The following MACROD2 variants were observed in gnomAD, a reference collection of about 807,000 sequenced individuals.
MACROD2 encodes the protein mono-ADP ribosylhydrolase 2.
Under a neutral mutation model 70.4 loss-of-function variants are expected in MACROD2, and 36 were observed. The ratio of observed to expected loss-of-function variants is 0.51; its 90% CI spans 0.39 to 0.68. The LOEUF is 0.68. MACROD2 is among the 30% of genes least tolerant of loss of function. The pLI is 0.00. For missense variants in MACROD2, 496 were observed against 538.4 expected (o/e 0.92, Z 0.78); for synonymous variants, 172 against 178.8 (o/e 0.96, Z 0.30).
At chr20:14,624,210 G>A (rs909144337) in intron 4 of MACROD2, among the ~76,000 whole-genome samples, 5 of 152,184 alleles carry the variant, frequency 3.3e-5, no homozygotes, top group Non-Finnish European at 7.3e-5. Context: ...GAGGCATGCC[G>A]GGACAGCCTC....
At chr20:14,616,235 C>T (rs538171175) in intron 4 of MACROD2, among the ~76,000 whole-genome samples, 4 of 152,226 alleles carry the variant, frequency 2.6e-5, no homozygotes, top group Non-Finnish European at 5.9e-5. Flanking sequence ...CTAGATGGTA[C>T]TAGGCAAAGC....
intron 6 of MACROD2, among the ~76,000 whole-genome samples, chr20:15,321,862 G>A (rs1332533904): frequency 7.0e-6 from 1 of 143,776 alleles, no homozygotes; most frequent in Non-Finnish European, 1.6e-5. Flanking sequence ...GCATGATCTC[G>A]ACTCACTGCA....
intron 3 of MACROD2, among the ~76,000 whole-genome samples, chr20:14,152,728 C>A (rs1219204166): frequency 7.2e-5 from 11 of 152,034 alleles, no homozygotes; most frequent in African/African-American, 2.7e-4. Flanking sequence ...TGCCCGGCCT[C>A]CTCTACAATT....
At chr20:15,909,650 A>G (rs887370252) in intron 10 of MACROD2, among the ~76,000 whole-genome samples, 1 of 149,886 alleles carries the variant, frequency 6.7e-6, no homozygotes, top group South Asian at 2.1e-4. Context: ...CAGCCTCCCA[A>G]GTAGCTGGGA....
rs527872721 is a variant in MACROD2, at chr20:14,798,469, T to C, written c.418+113510T>C. On this transcript the variant is annotated intron_variant, in intron 5 of 17. Coordinates refer to ENST00000684519, the MANE Select transcript of MACROD2 (RefSeq NM_001351661.2). ...GCCAGAAAAAAGTATTCATCATGTG[T>C]GTAACATGGTATGATTGGCAGTTAT... Among the ~76,000 whole-genome samples, 202 of 152,210 alleles carry C rather than the reference T, an allele frequency of 1.3e-3. 1 individual carries two copies. Among genetic ancestry groups the C allele is most frequent in the African/African-American group, 4.6e-3 (189 of 41,526 alleles).
At chr20:14,859,521 A>G (rs946597509) in intron 5 of MACROD2, among the ~76,000 whole-genome samples, 6 of 152,148 alleles carry the variant, frequency 3.9e-5, no homozygotes, top group Non-Finnish European at 7.3e-5. Flanking sequence ...AGTACCCATC[A>G]TATTCAATAT....
chr20:14,216,521 G>A (rs999265351), intron 3 of MACROD2, among the ~76,000 whole-genome samples: 1 of 151,670 alleles, frequency 6.6e-6, no homozygotes, highest in African/African-American at 2.4e-5. Context: ...TTTTAGAATT[G>A]TTTTTTTTAA....
chr20:14,713,394 G>A (rs569999862), intron 5 of MACROD2, among the ~76,000 whole-genome samples: 1 of 152,230 alleles, frequency 6.6e-6, no homozygotes, highest in South Asian at 2.1e-4. Context: ...TTTGAATACA[G>A]GCTTTTTGTT....
chr20:14,697,138 A>G (rs961579216), intron 5 of MACROD2, among the ~76,000 whole-genome samples: 7 of 152,184 alleles, frequency 4.6e-5, no homozygotes, highest in African/African-American at 1.7e-4. Flanking sequence ...TTCCCCAGGA[A>G]ATCCGTTGGC....
At position 14,810,494 on chromosome 20, in the gene MACROD2, ACAAAAGCTGGAAG is replaced by A. The variant is rs2072695973; in HGVS notation, c.418+125538_418+125550del. On this transcript the variant is annotated intron_variant, in intron 5 of 17. Coordinates refer to ENST00000684519, the MANE Select transcript of MACROD2 (RefSeq NM_001351661.2). ...CCACAGCCAATATCATACTGAATGA[ACAAAAGCTGGAAG>A]CATTCCCTTCGAAAACTGGCACAAG... Among the ~76,000 whole-genome samples the A allele has an allele frequency of 2.0e-5, 3 of 151,994 alleles. No homozygotes were observed. The South Asian group carries it at 6.2e-4, about 32-fold the overall frequency.
intron 3 of MACROD2, among the ~76,000 whole-genome samples, chr20:14,145,782 G>C (rs1285417413): frequency 6.6e-6 from 1 of 152,112 alleles, no homozygotes; most frequent in African/African-American, 2.4e-5. Context: ...TGGAGAGTTT[G>C]AGCTTCCTAA....
chr20:14,082,527 GAGAA>G (rs1020766088), intron 2 of MACROD2, among the ~76,000 whole-genome samples: 3 of 151,904 alleles, frequency 2.0e-5, no homozygotes, highest in African/African-American at 7.3e-5. Flanking sequence ...CTTTGCTTTT[GAGAA>G]AGAAACACAT....
At chr20:15,120,949 T>C (rs2076025711) in intron 5 of MACROD2, among the ~76,000 whole-genome samples, 1 of 152,212 alleles carries the variant, frequency 6.6e-6, no homozygotes, top group Non-Finnish European at 1.5e-5. Flanking sequence ...CATACCTGTA[T>C]CCAGAAGCGC....
chr20:14,827,450 T>C lies in MACROD2; in HGVS notation c.418+142491T>C, dbSNP rs1344041622. 2.0e-5 allele frequency among the ~76,000 whole-genome samples: 3 copies of C among 152,152 alleles called. No individual in the cohort carries two copies. In the East Asian group the frequency reaches 5.8e-4, roughly 29 times the overall value. On this transcript the variant is annotated intron_variant, in intron 5 of 17. Coordinates refer to ENST00000684519, the MANE Select transcript of MACROD2 (RefSeq NM_001351661.2). ...ATATGGCATGGATGCTTTGTTTACA[T>C]GGTACGTGGTTTTATTTCACAATAA...
At chr20:14,423,469 G>A (rs1314675539) in intron 3 of MACROD2, among the ~76,000 whole-genome samples, 1 of 151,768 alleles carries the variant, frequency 6.6e-6, no homozygotes, top group East Asian at 2.0e-4. Context: ...GGAGGCCGAG[G>A]GGGGCGGATC....
intron 8 of MACROD2, among the ~76,000 whole-genome samples, chr20:15,528,452 A>G (rs1368135336): frequency 6.6e-6 from 1 of 152,204 alleles, no homozygotes; most frequent in East Asian, 1.9e-4. Context: ...GATTGAAGGG[A>G]TAAGCAGTGC....
chr20:15,679,089 T>C (rs1010547865), intron 8 of MACROD2, among the ~76,000 whole-genome samples: 1 of 151,822 alleles, frequency 6.6e-6, no homozygotes, highest in African/African-American at 2.4e-5. Flanking sequence ...ATACAAAAAT[T>C]AGCTGGGTGT....
At chr20:15,790,354 C>T (rs150045200) in intron 8 of MACROD2, among the ~76,000 whole-genome samples, 22 of 151,794 alleles carry the variant, frequency 1.4e-4, no homozygotes, top group African/African-American at 4.3e-4. Context: ...CTACTATCCC[C>T]GCCATTAAAA....
intron 3 of MACROD2, among the ~76,000 whole-genome samples, chr20:14,380,013 G>T (rs1174490992): frequency 1.3e-5 from 2 of 151,988 alleles, no homozygotes; most frequent in African/African-American, 2.4e-5. Context: ...AGTTTTTAAG[G>T]AACTACTTTA....
Sources: allele counts gnomAD v4.1 joint callset (sites outside exome capture counted in the v4.1 genomes callset), GRCh38; gene constraint gnomAD v4.1.1; transcripts MANE v1.5; gene names NCBI Gene and HGNC (gene_info 2026-07-23, HGNC 2026-07-21).